The following SLC43A2 variants were observed in gnomAD, a reference collection of about 807,000 sequenced individuals.
SLC43A2 encodes large neutral amino acids transporter small subunit 4.
SLC43A2 carries 38 observed loss-of-function variants against 63.2 expected under a neutral mutation model. The ratio of observed to expected loss-of-function variants is 0.60; its 90% CI spans 0.46 to 0.79. The LOEUF is 0.79. SLC43A2 is among the 30% of genes least tolerant of loss of function. SLC43A2 has a pLI of 0.00. For missense variants in SLC43A2, 644 were observed against 756.2 expected (o/e 0.85, Z 1.74); for synonymous variants, 322 against 331.0 (o/e 0.97, Z 0.30).
intron 3 of SLC43A2, among the ~76,000 whole-genome samples, chr17:1,615,741 G>A (rs1281851682): frequency 4.7e-5 from 7 of 149,076 alleles, no homozygotes; most frequent in Admixed American, 1.3e-4. Context: ...TACTCGGGAG[G>A]CTGAGGCAGG....
chr17:1,600,256 T>G (rs1374820886), intron 5 of SLC43A2, among the ~76,000 whole-genome samples: 2 of 142,354 alleles, frequency 1.4e-5, no homozygotes, highest in East Asian at 4.5e-4. Context: ...GTCCAAGCAA[T>G]TCTCCTGCCT....
chr17:1,616,896 G>T, intron 2 of SLC43A2, 127 bp from the exon 3 acceptor site: 1 of 1,033,972 alleles, frequency 9.7e-7, no homozygotes, highest in Non-Finnish European at 1.4e-6. Context: ...GCCTCTCGAG[G>T]GCTCAGGCTA....
chr17:1,597,597 C>T (rs559867544), intron 5 of SLC43A2, among the ~76,000 whole-genome samples: 15 of 151,394 alleles, frequency 9.9e-5, no homozygotes, highest in Middle Eastern at 6.8e-3. Flanking sequence ...GTCAGGAGTT[C>T]GAGACCAGCC....
At chr17:1,608,790 C>T (rs909125991) in intron 5 of SLC43A2, among the ~76,000 whole-genome samples, 3 of 152,192 alleles carry the variant, frequency 2.0e-5, no homozygotes, top group Non-Finnish European at 4.4e-5. Context: ...AGCACCTACA[C>T]ACGCTTTGTT....
intron 5 of SLC43A2, among the ~76,000 whole-genome samples, chr17:1,601,926 C>T (rs1053105780): frequency 1.3e-5 from 2 of 151,408 alleles, no homozygotes; most frequent in African/African-American, 4.9e-5. Context: ...CGAGACTACC[C>T]CAGGCATGCA....
In SLC43A2 at chr17:1,604,659, C is replaced by A. The variant is rs189770286; in HGVS notation, c.501+8536G>T. On this transcript the variant is annotated intron_variant, in intron 5 of 13. Transcript: ENST00000301335. ...GAGCAGCTGAGACTACAGGGGGATACCACAATGCCCAGTCCCCAACTAGAG... is the reference window on the plus strand; with the variant it reads ...GAGCAGCTGAGACTACAGGGGGATAACACAATGCCCAGTCCCCAACTAGAG... The A allele has an allele frequency of 3.5e-4, 505 of 1,451,454 alleles. 2 individuals carry two copies. In the African/African-American group the frequency reaches 6.3e-3, roughly 18 times the overall value. The allele number at this position is 1,451,454 out of a possible 1,614,324, so 89.9% of individuals were successfully genotyped here.
chr17:1,598,988 C>G (rs1905611526), intron 5 of SLC43A2, among the ~76,000 whole-genome samples: 1 of 152,234 alleles, frequency 6.6e-6, no homozygotes, highest in African/African-American at 2.4e-5. Flanking sequence ...CTCAGGGGAA[C>G]CACACTAGGT....
intron 2 of SLC43A2, 64 bp downstream of exon 2, chr17:1,627,651 C>CCACCCCCCCCCCCCCA: frequency 1.5e-6 from 1 of 686,278 alleles, no homozygotes; most frequent in Non-Finnish European, 2.3e-6. Context: ...TCTTCGCCCC[C>CCACCCCCCCCCCCCCA]ATCCCGCCCC....
rs1241011233 is a variant in SLC43A2 at position 1,593,299 on chromosome 17, G to GT, written c.502-21_502-20insA. The GT allele has an allele frequency of 3.7e-6, 6 of 1,610,010 alleles. No individual in the cohort carries two copies. The highest frequency in any genetic ancestry group is 1.3e-5 in the African/African-American group (1 of 74,854). ...GGGCAGCTGAGAGATAAGAAGCAGA[G>GT]AAACCTCAGTGGGGAGGATGCACCA... On this transcript the variant is annotated intron_variant, in intron 5 of 13. Coordinates refer to ENST00000301335, the MANE Select transcript of SLC43A2 (RefSeq NM_152346.3). This position sits in a 1 kb window ranked among gnomAD's most constrained non-coding sequence, Gnocchi z 5.3.
chr17:1,613,677 T>C (rs1249527130), intron 4 of SLC43A2, among the ~76,000 whole-genome samples: 1 of 152,196 alleles, frequency 6.6e-6, no homozygotes, highest in African/African-American at 2.4e-5. Context: ...CCTCGGGTGA[T>C]CTGCCGATCT....
intron 8 of SLC43A2, 33 bp from the exon 9 acceptor site, chr17:1,590,981 G>A: frequency 1.3e-6 from 2 of 1,546,080 alleles, no homozygotes; most frequent in African/African-American, 1.4e-5. Flanking sequence ...TCAGGGCCGG[G>A]GCACACTGTC....
chr17:1,599,204 G>A (rs994960150), intron 5 of SLC43A2, among the ~76,000 whole-genome samples: 2 of 151,950 alleles, frequency 1.3e-5, no homozygotes, highest in Non-Finnish European at 2.9e-5. Context: ...GCCGGGTGTG[G>A]CGGCGTGCAC....
chr17:1,601,181 T>C (rs1312198374), intron 5 of SLC43A2, among the ~76,000 whole-genome samples: 1 of 152,068 alleles, frequency 6.6e-6, no homozygotes, highest in African/African-American at 2.4e-5. Flanking sequence ...TTTTTAATTC[T>C]TCGTAGGTCT....
intron 9 of SLC43A2, chr17:1,586,927 A>AGGCCCCCCCC: frequency 3.0e-6 from 4 of 1,355,932 alleles, no homozygotes; most frequent in Non-Finnish European, 4.1e-6. Flanking sequence ...TTCCCTGACA[A>AGGCCCCCCCC]TCCCCCCCAC....
At chr17:1,604,650 AG>A (rs1471610542) in intron 5 of SLC43A2, 3 of 1,383,968 alleles carry the variant, frequency 2.2e-6, no homozygotes, top group African/African-American at 2.8e-5. Flanking sequence ...CTGAGACTAC[AG>A]GGGGATACCA....
At position 1,599,897 on chromosome 17, in the gene SLC43A2, A is replaced by G. The variant is rs552324339; in HGVS notation, c.502-6618T>C. Among the ~76,000 whole-genome samples the G allele has an allele frequency of 2.6e-4, 39 of 149,464 alleles. 2 individuals are homozygous for G. Among genetic ancestry groups the G allele is most frequent in the African/African-American group, 9.6e-4 (39 of 40,674 alleles). ...GTCTCTACTAAAAATACAAAAAATTAGCTGGGCGTGGTGGCGGGCGCCTGT... is the reference window on the plus strand; with the variant it reads ...GTCTCTACTAAAAATACAAAAAATTGGCTGGGCGTGGTGGCGGGCGCCTGT... On this transcript the variant is annotated intron_variant, in intron 5 of 13. Transcript: ENST00000301335.
intron 10 of SLC43A2, chr17:1,585,663 C>T: frequency 7.1e-7 from 1 of 1,410,262 alleles, no homozygotes; most frequent in South Asian, 1.2e-5. Flanking sequence ...GCTGGGATTA[C>T]AGGCATGAGT....
intron 2 of SLC43A2, among the ~76,000 whole-genome samples, chr17:1,620,653 C>A (rs928905137): frequency 6.6e-6 from 1 of 152,056 alleles, no homozygotes; most frequent in South Asian, 2.1e-4. Flanking sequence ...GGGAGGTGAG[C>A]GGCTTCTCCT....
At chr17:1,627,603 T>G (rs5018812) in intron 2 of SLC43A2, 112 bp downstream of exon 2, 387,633 of 980,958 alleles carry the variant, frequency 0.4, 89,696 homozygotes, top group Middle Eastern at 0.45. Context: ...TCTGATACCC[T>G]AGAGGCACTG....
Sources: allele counts gnomAD v4.1 joint callset (sites outside exome capture counted in the v4.1 genomes callset), GRCh38; gene constraint gnomAD v4.1.1; non-coding constraint Gnocchi (gnomAD v3.1); transcripts MANE v1.5; gene names NCBI Gene and HGNC (gene_info 2026-07-23, HGNC 2026-07-21).